Variants in SYNRG observed in about 807,000 individuals in gnomAD.
The protein encoded by SYNRG is synergin gamma.
Under a neutral mutation model 130.9 loss-of-function variants are expected in SYNRG, and 37 were observed. That is an observed-to-expected ratio of 0.28 (90% CI 0.22 to 0.37). The LOEUF (loss-of-function observed/expected upper bound fraction) is 0.37. Ranked by LOEUF, SYNRG falls within the 10% of genes least tolerant of loss-of-function variation. The pLI, the probability that SYNRG is intolerant of heterozygous loss-of-function variation, is 1.00. For synonymous variants in SYNRG, 539 were observed against 568.1 expected (o/e 0.95, Z 0.73); for missense variants, 1,338 against 1,588.9 (o/e 0.84, Z 2.68).
chr17:37,569,409 G>GA (rs530693398), intron 10 of SYNRG, among the ~76,000 whole-genome samples: 14,556 of 59,114 alleles, frequency 0.25, 1,533 homozygotes, highest in Non-Finnish European at 0.26. Context: ...GACTCTGGCT[G>GA]AAAAAAAAAA....
intron 19 of SYNRG, among the ~76,000 whole-genome samples, chr17:37,525,986 G>A (rs12946766): frequency 0.49 from 74,343 of 151,762 alleles, 18,906 homozygotes; most frequent in East Asian, 0.81. Flanking sequence ...CAAAACAATT[G>A]GCCGGACGTG....
chr17:37,609,162 C>G (rs1381282795), intron 1 of SYNRG, 117 bp downstream of exon 1: 1 of 1,176,814 alleles, frequency 8.5e-7, no homozygotes, highest in Admixed American at 4.2e-5. Flanking sequence ...TGACCCTCCT[C>G]CCGCAGCCCA....
intron 16 of SYNRG, among the ~76,000 whole-genome samples, chr17:37,539,476 T>G (rs1336334224): frequency 6.6e-6 from 1 of 152,134 alleles, no homozygotes; most frequent in Non-Finnish European, 1.5e-5. Flanking sequence ...ACGCAAGCAA[T>G]CCTCCCACCT....
At chr17:37,524,026 C>T (rs1392996667) in intron 19 of SYNRG, among the ~76,000 whole-genome samples, 3 of 152,154 alleles carry the variant, frequency 2.0e-5, no homozygotes, top group African/African-American at 4.8e-5. Flanking sequence ...ACTGCACAGG[C>T]GCTGCACAAT....
At chr17:37,527,811 T>C (rs912590175) in intron 19 of SYNRG, among the ~76,000 whole-genome samples, 13 of 152,098 alleles carry the variant, frequency 8.5e-5, no homozygotes, top group African/African-American at 3.1e-4. Flanking sequence ...CTGGAACCAA[T>C]TCCCCCCCCA....
intron 6 of SYNRG, among the ~76,000 whole-genome samples, chr17:37,580,504 T>TGAGAGAGAGAGA (rs1338468452): frequency 8.6e-6 from 1 of 116,330 alleles, no homozygotes; most frequent in Non-Finnish European, 1.8e-5. Context: ...TGTGTGTGTG[T>TGAGAGAGAGAGA]GTGTGTGAGA....
chr17:37,561,376 A>T, intron 12 of SYNRG, 95 bp downstream of exon 12: 1 of 1,417,638 alleles, frequency 7.1e-7, no homozygotes, highest in South Asian at 1.2e-5. Context: ...GGCATTTTAC[A>T]TATTTAGCAC....
rs758131793 is a variant in SYNRG at position 37,609,306 on chromosome 17, G to A, written c.50C>T (p.Ala17Val). ...AGSGGGGAAGAGAGSAGGGGF... is the reference protein window; with the variant it reads ...AGSGGGGAAGVGAGSAGGGGF... Reference sequence around the variant, plus strand: ...GCCTCCCCCGGCGGACCCCGCGCCAGCTCCCGCGGCCCCGCCGCCACCAGA... The same window carrying A: ...GCCTCCCCCGGCGGACCCCGCGCCAACTCCCGCGGCCCCGCCGCCACCAGA... Residue 17 changes from alanine (A) to valine (V), a missense_variant, in exon 1 of 22, where the codon GCT (alanine) becomes GTT (valine). Transcript: ENST00000612223. 9.6e-6 allele frequency: 14 copies of A among 1,462,966 alleles called. No homozygotes were observed. In the African/African-American group the frequency reaches 1.9e-4, roughly 20 times the overall value. 90.6% of individuals were successfully genotyped at this position (1,462,966 alleles called of 1,614,324 possible).
intron 2 of SYNRG, among the ~76,000 whole-genome samples, chr17:37,596,824 CATG>C (rs1191240140): frequency 3.3e-5 from 5 of 152,040 alleles, no homozygotes; most frequent in Admixed American, 3.3e-4. Flanking sequence ...AGTGCAGTGG[CATG>C]ATCTCAGCTC....
At chr17:37,590,564 A>C (rs1397760299) in intron 3 of SYNRG, among the ~76,000 whole-genome samples, 1 of 152,196 alleles carries the variant, frequency 6.6e-6, no homozygotes, top group Non-Finnish European at 1.5e-5. Context: ...ACATACGTAA[A>C]ATTTAAAACC....
intron 8 of SYNRG, among the ~76,000 whole-genome samples, chr17:37,572,473 T>C (rs2060507896): frequency 6.6e-6 from 1 of 151,558 alleles, no homozygotes; most frequent in Non-Finnish European, 1.5e-5. Context: ...CAAGTGGAAA[T>C]GTCCAGCAGA....
chr17:37,584,475 C>T, intron 6 of SYNRG, 173 bp downstream of exon 6: 2 of 496,458 alleles, frequency 4.0e-6, no homozygotes, highest in East Asian at 3.0e-5. Context: ...AGTTGTTATC[C>T]AGACCAGAGC....
rs957163488 is a variant in SYNRG at position 37,568,636 on chromosome 17, T to G, written c.1481+155A>C. 5.1e-5 allele frequency: 40 copies of G among 776,852 alleles called. No homozygotes were observed. In the Middle Eastern group the frequency reaches 2.0e-3, roughly 39 times the overall value. The allele number at this position is 776,852 out of a possible 1,614,324, so 48.1% of individuals were successfully genotyped here. A position where few individuals can be genotyped will look rare whatever the true frequency, so the allele number is the denominator to read the frequency against. ...AAGATGGACAAAGGGGAGAGAAGTT[T>G]GAAAAGTAAAAGTATTAATACAGAG... is the stretch of plus-strand genomic sequence containing the variant. On this transcript the variant is annotated intron_variant, in intron 11 of 21. Transcript: ENST00000612223.
chr17:37,542,158 T>C lies in SYNRG; in HGVS notation c.3016A>G (p.Ser1006Gly). 1 of 1,614,250 alleles carries C rather than the reference T, an allele frequency of 6.2e-7. No homozygotes were observed. The highest frequency in any genetic ancestry group is 8.5e-7 in the Non-Finnish European group (1 of 1,180,038). The change falls in exon 15 of 22, where the codon AGC becomes GGC. Residue 1006 changes from serine (S) to glycine (G), a missense_variant. Physicochemically the swap from Ser to Gly is moderately conservative, Grantham distance 56. Around this residue, in one of 3 missense-constraint regions of SYNRG, gnomAD observed 1,146 missense variants for 1,342.3 expected, o/e 0.85. Coordinates refer to ENST00000612223, the MANE Select transcript of SYNRG (RefSeq NM_007247.6). ...AERSQEATCP[S>G]PASSGASQET... Reference sequence around the variant, plus strand: ...TGAGAGGCACCACTGGACGCTGGGCTGGGACACGTGGCCTCCTGGCTCCGT... The same window carrying C: ...TGAGAGGCACCACTGGACGCTGGGCCGGGACACGTGGCCTCCTGGCTCCGT...
chr17:37,565,755 G>A (rs1399018974), intron 11 of SYNRG, among the ~76,000 whole-genome samples: 2 of 148,330 alleles, frequency 1.3e-5, no homozygotes, highest in Non-Finnish European at 3.0e-5. Flanking sequence ...GGGAGGTGAG[G>A]AGCGTCTCTG....
intron 3 of SYNRG, among the ~76,000 whole-genome samples, chr17:37,595,748 C>A (rs1003556423): frequency 6.6e-6 from 1 of 150,420 alleles, no homozygotes; most frequent in Non-Finnish European, 1.5e-5. Context: ...ACCTTTTTTT[C>A]CTCTGGCCTT....
At chr17:37,593,079 G>T (rs2062348151) in intron 3 of SYNRG, among the ~76,000 whole-genome samples, 1 of 152,008 alleles carries the variant, frequency 6.6e-6, no homozygotes, top group Non-Finnish European at 1.5e-5. Context: ...TTTGGGGAAG[G>T]GAGAGATTAT....
chr17:37,566,783 A>C (rs1348183465), intron 11 of SYNRG: 1 of 152,254 alleles, frequency 6.6e-6, no homozygotes, highest in Non-Finnish European at 1.5e-5. Flanking sequence ...ATCTACAAAC[A>C]GTTTTGCTCA....
At chr17:37,555,166 G>A (rs564784565) in intron 13 of SYNRG, among the ~76,000 whole-genome samples, 49 of 151,454 alleles carry the variant, frequency 3.2e-4, no homozygotes, top group African/African-American at 1.0e-3. Flanking sequence ...CATTATTGTC[G>A]CCCAGGCTGG....
Sources: allele counts gnomAD v4.1 joint callset (sites outside exome capture counted in the v4.1 genomes callset), GRCh38; gene constraint gnomAD v4.1.1; regional missense constraint gnomAD v4.1.1; transcripts MANE v1.5; gene names NCBI Gene and HGNC (gene_info 2026-07-23, HGNC 2026-07-21).